TRIO: variants seen among roughly 807,000 people sequenced by gnomAD.
The protein encoded by TRIO is triple functional domain protein.
TRIO carries 58 observed loss-of-function variants against 351.9 expected under a neutral mutation model. That is an observed-to-expected ratio of 0.16 (90% CI 0.13 to 0.21). TRIO has a LOEUF of 0.21. Among genes scored for constraint, TRIO ranks in the 10% least tolerant of loss-of-function variants. The pLI, the probability that TRIO is intolerant of heterozygous loss-of-function variation, is 1.00. For missense variants in TRIO, 3,201 were observed against 4,027.8 expected (o/e 0.79, Z 5.56); for synonymous variants, 1,758 against 1,595.7 (o/e 1.10, Z -2.42).
chr5:14,175,428 G>A (rs1480036972), intron 1 of TRIO, among the ~76,000 whole-genome samples: 5 of 151,882 alleles, frequency 3.3e-5, no homozygotes, highest in Admixed American at 6.6e-5. Flanking sequence ...TTAATATCTA[G>A]TAATAGATTC....
At chr5:14,258,272 C>T (rs1004818549) in intron 1 of TRIO, among the ~76,000 whole-genome samples, 5 of 152,202 alleles carry the variant, frequency 3.3e-5, no homozygotes. Flanking sequence ...GCTTGTAACC[C>T]TGTGTCATTT....
intron 1 of TRIO, among the ~76,000 whole-genome samples, chr5:14,217,087 C>G (rs1792272210): frequency 6.6e-6 from 1 of 152,172 alleles, no homozygotes; most frequent in African/African-American, 2.4e-5. Context: ...AGCACGATGC[C>G]CCATGCGTCA....
intron 18 of TRIO, 56 bp downstream of exon 18, chr5:14,369,579 G>C: frequency 1.3e-6 from 2 of 1,547,322 alleles, no homozygotes; most frequent in South Asian, 2.4e-5. Flanking sequence ...CCTGCCAGGT[G>C]CGCGTGGCAC....
intron 9 of TRIO, among the ~76,000 whole-genome samples, chr5:14,318,774 T>G (rs547311684): frequency 6.6e-6 from 1 of 152,348 alleles, no homozygotes; most frequent in South Asian, 2.1e-4. Flanking sequence ...CCATGAAATG[T>G]TGGAGTTTAA....
At chr5:14,221,896 A>G (rs1284725611) in intron 1 of TRIO, among the ~76,000 whole-genome samples, 2 of 152,254 alleles carry the variant, frequency 1.3e-5, no homozygotes, top group Admixed American at 6.5e-5. Context: ...TTTCGAAAGA[A>G]GTTCTGCTGT....
rs1356323272 is a variant in TRIO, at chr5:14,424,126, G to C, written c.5203+4105G>C. On this transcript the variant is annotated intron_variant, in intron 34 of 56. Transcript: ENST00000344204. ...AAGGGAGGAGTGAGTGGTGAGCTTG[G>C]AGGATGCGTTCTTCCTGTCAGGAGG... 2.0e-5 allele frequency among the ~76,000 whole-genome samples: 3 copies of C among 152,186 alleles called. No homozygotes were observed. In the South Asian group the frequency reaches 6.2e-4, roughly 32 times the overall value.
chr5:14,281,988 C>G lies in TRIO; in HGVS notation c.347+1552C>G, dbSNP rs749984706. ...CGGGACAAGGCAGCCATGCCCCTCCCTAACAGGGCTGGCTGTGGCTGATGG... is the reference window on the plus strand; with the variant it reads ...CGGGACAAGGCAGCCATGCCCCTCCGTAACAGGGCTGGCTGTGGCTGATGG... On this transcript the variant is annotated intron_variant, in intron 3 of 56. Transcript: ENST00000344204. 3.7e-4 allele frequency among the ~76,000 whole-genome samples: 56 copies of G among 152,218 alleles called. 1 individual carries two copies. The highest frequency in any genetic ancestry group is 1.5e-4 in the Non-Finnish European group (10 of 68,036).
At chr5:14,482,184 A>C (rs1371323683) in intron 45 of TRIO, among the ~76,000 whole-genome samples, 1 of 152,174 alleles carries the variant, frequency 6.6e-6, no homozygotes, top group Non-Finnish European at 1.5e-5. Flanking sequence ...TAGCATTGAA[A>C]GTTCTGGTGC....
At chr5:14,312,582 T>G (rs1264214874) in intron 8 of TRIO, among the ~76,000 whole-genome samples, 1 of 152,210 alleles carries the variant, frequency 6.6e-6, no homozygotes, top group Non-Finnish European at 1.5e-5. Context: ...GTCCTGCTAT[T>G]TAATAAGGTT....
In TRIO at chr5:14,406,657, G is replaced by A. The variant is rs112809301; in HGVS notation, c.4944G>A (p.Thr1648=). 21 of 1,613,894 alleles carry A rather than the reference G, an allele frequency of 1.3e-5. No individual in the cohort carries two copies. The highest frequency in any genetic ancestry group is 1.7e-5 in the Admixed American group (1 of 60,008). Residue 1648 remains threonine (T), a synonymous_variant, in exon 33 of 57, where the codon ACG becomes ACA. Transcript: ENST00000344204. ...ISIASRTSQN[T]LDSDKLSGGC... ...TCGCCTCACGGACGTCTCAGAACAC[G>A]CTGGACAGCGATAAGGTGAGTCACT...
At chr5:14,144,710 G>A (rs1039773705) in intron 1 of TRIO, among the ~76,000 whole-genome samples, 21 of 152,026 alleles carry the variant, frequency 1.4e-4, no homozygotes, top group African/African-American at 5.1e-4. Flanking sequence ...CGCGGGTGGC[G>A]ACCGGTCCGC....
chr5:14,365,875 A>G (rs1322899473), intron 15 of TRIO, among the ~76,000 whole-genome samples: 2 of 152,114 alleles, frequency 1.3e-5, no homozygotes, highest in Admixed American at 1.3e-4. Context: ...CCATATCCCA[A>G]ATTATCAGGA....
At chr5:14,389,202 C>A in intron 24 of TRIO, 87 bp from the exon 25 acceptor site, 1 of 979,886 alleles carries the variant, frequency 1.0e-6, no homozygotes, top group Non-Finnish European at 1.5e-6. Flanking sequence ...TATACATTAA[C>A]TCTGTGTGTT....
chr5:14,448,858 G>T (rs6883187), intron 34 of TRIO, among the ~76,000 whole-genome samples: 1,871 of 152,270 alleles, frequency 0.012, 43 homozygotes, highest in African/African-American at 0.043. Context: ...TCACTGGTAA[G>T]ATAGTTCCTT....
intron 16 of TRIO, among the ~76,000 whole-genome samples, 178 bp downstream of exon 16, chr5:14,367,157 A>T (rs1744672201): frequency 6.6e-6 from 1 of 152,120 alleles, no homozygotes; most frequent in African/African-American, 2.4e-5. Context: ...AAAGGGAAAC[A>T]GTGTGGTGCC....
chr5:14,486,323 G>A (rs191763192), intron 47 of TRIO, among the ~76,000 whole-genome samples: 13 of 152,314 alleles, frequency 8.5e-5, no homozygotes, highest in Admixed American at 2.0e-4. Context: ...TACACCTTGC[G>A]TGATGTTCAA....
intron 9 of TRIO, among the ~76,000 whole-genome samples, chr5:14,328,408 G>A (rs10054645): frequency 1.6e-3 from 239 of 152,104 alleles, no homozygotes; most frequent in African/African-American, 5.3e-3. Context: ...AAAACAATGC[G>A]CCCAATATGC....
rs1222608514 is a variant in TRIO at position 14,507,272 on chromosome 5, C to T, written c.8751+12C>T. ...ACCTGGACCTAAAGGTTGGTGAGGC[C>T]CCGGGCAGGTGAAGGGGGGTCTGAG... On this transcript the variant is annotated intron_variant, in intron 56 of 56. Transcript: ENST00000344204. 1.9e-6 allele frequency: 3 copies of T among 1,610,836 alleles called. No individual in the cohort carries two copies. The highest frequency in any genetic ancestry group is 2.3e-4 in the Middle Eastern group (1 of 4,428).
chr5:14,289,560 A>T (rs866508706), intron 4 of TRIO, among the ~76,000 whole-genome samples: 1 of 151,882 alleles, frequency 6.6e-6, no homozygotes, highest in Non-Finnish European at 1.5e-5. Flanking sequence ...CTTTTTTAAA[A>T]AAAAAGGTCG....
Sources: gnomAD v4.1 joint callset for allele counts (sites outside exome capture counted in the v4.1 genomes callset) on GRCh38, gnomAD v4.1.1 for gene constraint, MANE v1.5 for transcripts, NCBI Gene and HGNC (gene_info 2026-07-23, HGNC 2026-07-21) for gene names.